The following UMAD1 variants were observed in gnomAD, a reference collection of about 807,000 sequenced individuals.
The protein encoded by UMAD1 is UBAP1-MVB12-associated (UMA) domain containing 1.
Under a neutral mutation model 6.1 loss-of-function variants are expected in UMAD1, and 8 were observed. That is an observed-to-expected ratio of 1.30 (90% confidence interval 0.76 to 2.35). The LOEUF (loss-of-function observed/expected upper bound fraction) is 2.35, where lower values mean the gene tolerates loss of function less well. UMAD1 is among the 30% of genes most tolerant of loss of function. UMAD1 has a pLI of 0.00. For missense variants in UMAD1, 130 were observed against 78.4 expected (o/e 1.66, Z -2.49); for synonymous variants, 56 against 31.4 (o/e 1.78, Z -2.61).
At chr7:7,750,529 A>G (rs893223703) in intron 2 of UMAD1, among the ~76,000 whole-genome samples, 14 of 152,184 alleles carry the variant, frequency 9.2e-5, no homozygotes, top group African/African-American at 2.7e-4. Flanking sequence ...AGCTTCTTTA[A>G]TGACGGCCCA....
At chr7:7,876,482 C>T (rs1583889912) in intron 3 of UMAD1, among the ~76,000 whole-genome samples, 1 of 152,076 alleles carries the variant, frequency 6.6e-6, no homozygotes, top group African/African-American at 2.4e-5. Flanking sequence ...TAGTGGCAGG[C>T]CATTCATCTT....
At chr7:7,716,179 C>T (rs1780897048) in intron 2 of UMAD1, among the ~76,000 whole-genome samples, 1 of 152,156 alleles carries the variant, frequency 6.6e-6, no homozygotes, top group Non-Finnish European at 1.5e-5. Context: ...AAAAATTACT[C>T]ATGCCATAGG....
At chr7:7,715,850 A>C (rs544746990) in intron 2 of UMAD1, among the ~76,000 whole-genome samples, 1 of 152,238 alleles carries the variant, frequency 6.6e-6, no homozygotes, top group East Asian at 1.9e-4. Flanking sequence ...AAACATTTAA[A>C]AAATAGTATC....
intron 2 of UMAD1, among the ~76,000 whole-genome samples, chr7:7,781,371 CTTTT>C (rs999790902): frequency 3.4e-5 from 5 of 149,076 alleles, no homozygotes; most frequent in Non-Finnish European, 7.4e-5. Context: ...GCTCCTCTTT[CTTTT>C]TTTTTTAGTG....
intron 3 of UMAD1, among the ~76,000 whole-genome samples, chr7:7,835,919 G>A (rs1783560209): frequency 6.6e-6 from 1 of 151,774 alleles, no homozygotes; most frequent in Non-Finnish European, 1.5e-5. Context: ...TACATAAGTG[G>A]ATATTTTTAC....
intron 3 of UMAD1, among the ~76,000 whole-genome samples, chr7:7,805,700 C>T (rs6463725): frequency 0.67 from 101,203 of 152,110 alleles, 33,881 homozygotes; most frequent in African/African-American, 0.73. Context: ...ACCTGCCGTT[C>T]TGTCTCTTGA....
At chr7:7,862,962 C>T (rs1023030264) in intron 3 of UMAD1, among the ~76,000 whole-genome samples, 1 of 151,968 alleles carries the variant, frequency 6.6e-6, no homozygotes, top group Admixed American at 6.6e-5. Context: ...TTCAGTAAAA[C>T]ATTTTTTTGT....
At chr7:7,834,961 G>A (rs908581368) in intron 3 of UMAD1, among the ~76,000 whole-genome samples, 1 of 151,784 alleles carries the variant, frequency 6.6e-6, no homozygotes, top group Non-Finnish European at 1.5e-5. Flanking sequence ...AGAAAGCAAA[G>A]GAAGCCACAC....
At chr7:7,692,541 G>T (rs1780196988) in intron 2 of UMAD1, 1 of 152,170 alleles carries the variant, frequency 6.6e-6, no homozygotes, top group Non-Finnish European at 1.5e-5. Flanking sequence ...TAACAAGGTA[G>T]ATCGATTCCC....
At chr7:7,828,194 T>A (rs1783384005) in intron 3 of UMAD1, among the ~76,000 whole-genome samples, 1 of 152,158 alleles carries the variant, frequency 6.6e-6, no homozygotes, top group Non-Finnish European at 1.5e-5. Flanking sequence ...TTTGGATGTT[T>A]GATAGTCGCT....
At chr7:7,664,824 T>C (rs1471538674) in intron 1 of UMAD1, among the ~76,000 whole-genome samples, 3 of 152,232 alleles carry the variant, frequency 2.0e-5, no homozygotes, top group Non-Finnish European at 4.4e-5. Flanking sequence ...CTGTACTGTA[T>C]TGGTATCTCT....
chr7:7,704,766 CAAAAAAAAAAA>C (rs71011001), intron 2 of UMAD1, among the ~76,000 whole-genome samples: 18 of 17,852 alleles, frequency 1.0e-3, no homozygotes, highest in African/African-American at 3.3e-3. Context: ...GACTCCATCT[CAAAAAAAAAAA>C]AAAAAAAAAA....
intron 2 of UMAD1, among the ~76,000 whole-genome samples, chr7:7,725,976 A>G (rs935497891): frequency 6.6e-6 from 1 of 152,242 alleles, no homozygotes; most frequent in African/African-American, 2.4e-5. Context: ...AAATCTTCCC[A>G]ATGGGCAGAA....
chr7:7,716,953 T>G (rs192023304), intron 2 of UMAD1, among the ~76,000 whole-genome samples: 1 of 152,098 alleles, frequency 6.6e-6, no homozygotes, highest in Non-Finnish European at 1.5e-5. Flanking sequence ...CCGCCTCCTA[T>G]AAAACCAACC....
intron 3 of UMAD1, among the ~76,000 whole-genome samples, chr7:7,832,464 C>CTT (rs1783485339): frequency 6.6e-6 from 1 of 152,104 alleles, no homozygotes; most frequent in Non-Finnish European, 1.5e-5. Context: ...TTACAGGGTG[C>CTT]TTTTAATCAC....
chr7:7,665,310 T>C (rs1779414460), intron 1 of UMAD1, among the ~76,000 whole-genome samples: 1 of 152,232 alleles, frequency 6.6e-6, no homozygotes, highest in South Asian at 2.1e-4. Flanking sequence ...AGGCAGGCCC[T>C]TTTATACGCA....
chr7:7,857,534 T>A (rs919141444), intron 3 of UMAD1, among the ~76,000 whole-genome samples: 1 of 152,238 alleles, frequency 6.6e-6, no homozygotes, highest in African/African-American at 2.4e-5. Context: ...CACAGAGGAC[T>A]TGTCTCAGGA....
chr7:7,728,037 A>G (rs975706613), intron 2 of UMAD1, among the ~76,000 whole-genome samples: 2 of 151,774 alleles, frequency 1.3e-5, no homozygotes, highest in Non-Finnish European at 2.9e-5. Flanking sequence ...ATCCAAACCT[A>G]TTTTCTTCTG....
intron 2 of UMAD1, among the ~76,000 whole-genome samples, chr7:7,711,913 A>G (rs1716974144): frequency 6.6e-6 from 1 of 152,122 alleles, no homozygotes; most frequent in Non-Finnish European, 1.5e-5. Flanking sequence ...TTATAGCTCT[A>G]TGGTTAACTT....
Sources: gnomAD v4.1 joint callset for allele counts (sites outside exome capture counted in the v4.1 genomes callset) on GRCh38, gnomAD v4.1.1 for gene constraint, MANE v1.5 for transcripts, NCBI Gene and HGNC (gene_info 2026-07-23, HGNC 2026-07-21) for gene names.